Variants in ACSBG2 observed in about 807,000 individuals in gnomAD.
ACSBG2 encodes acyl-CoA synthetase bubblegum family member 2, also known as long-chain-fatty-acid--CoA ligase ACSBG2.
A neutral mutation model predicts 74.7 loss-of-function variants in ACSBG2; 62 were observed. The observed-to-expected ratio is 0.83, with a 90% CI of 0.68 to 1.03. ACSBG2 has a LOEUF of 1.03. ACSBG2 is among the 50% of genes least tolerant of loss of function. ACSBG2 has a pLI of 0.00. For synonymous variants in ACSBG2, 309 were observed against 294.1 expected (o/e 1.05, Z -0.52); for missense variants, 730 against 817.6 (o/e 0.89, Z 1.31).
intron 3 of ACSBG2, among the ~76,000 whole-genome samples, 189 bp from the exon 4 acceptor site, chr19:6,151,518 C>T (rs1403346064): frequency 6.6e-6 from 1 of 152,088 alleles, no homozygotes; most frequent in Non-Finnish European, 1.5e-5. Context: ...ACTGTGTTGC[C>T]CAGGCTGGTC....
intron 4 of ACSBG2, among the ~76,000 whole-genome samples, chr19:6,153,924 AAAG>A (rs1359094382): frequency 5.5e-4 from 84 of 151,394 alleles, no homozygotes; most frequent in Admixed American, 1.5e-3. Flanking sequence ...AAAGAAAAGA[AAAG>A]AAGGAAGGAA....
chr19:6,145,279 C>T (rs76506598), intron 2 of ACSBG2, among the ~76,000 whole-genome samples: 3,398 of 151,968 alleles, frequency 0.022, 135 homozygotes, highest in African/African-American at 0.078. Context: ...ACCTGTAATC[C>T]CCGCTACTTG....
In ACSBG2 at chr19:6,180,611, GT is replaced by G. The variant is rs1396516985; in HGVS notation, c.907-2139del. ...TGTTTACAACTTGTCAATCTGAATAGTGACAAAAGTGTCTTAATATTTTCAG... is the reference window on the plus strand; with the variant it reads ...TGTTTACAACTTGTCAATCTGAATAGGACAAAAGTGTCTTAATATTTTCAG... On this transcript the variant is annotated intron_variant, in intron 8 of 14. Transcript: ENST00000588485. This position sits in a 1 kb window ranked among gnomAD's most constrained non-coding sequence, Gnocchi z 4.3. Among the ~76,000 whole-genome samples, 1 of 152,166 alleles carries G rather than the reference GT, an allele frequency of 6.6e-6. No individual in the cohort carries two copies. The highest frequency in any genetic ancestry group is 2.4e-5 in the African/African-American group (1 of 41,434).
rs370575930 is a variant in ACSBG2, at chr19:6,187,734, G to A, written c.1816G>A (p.Ala606Thr). 6.8e-6 allele frequency: 11 copies of A among 1,613,980 alleles called. No homozygotes were observed. In the African/African-American group the frequency reaches 1.2e-4, roughly 18 times the overall value. Residue 606 changes from alanine to threonine, a missense_variant, in exon 13 of 15, where the codon GCC becomes ACC. Transcript: ENST00000588485. ...GCAGCAAGACCCCCTGGTCTACAAG[G>A]CCATCCAGCAAGGCATCAATGCTGT... is the stretch of plus-strand genomic sequence containing the variant. ...VKQQDPLVYK[A>T]IQQGINAVNQ...
At chr19:6,185,232 TAG>T (rs1390058507) in intron 10 of ACSBG2, among the ~76,000 whole-genome samples, 1 of 152,164 alleles carries the variant, frequency 6.6e-6, no homozygotes, top group Non-Finnish European at 1.5e-5. Flanking sequence ...TGGCCACTGC[TAG>T]GTTTCCCAGT....
intron 2 of ACSBG2, among the ~76,000 whole-genome samples, chr19:6,144,670 T>C (rs553055179): frequency 2.0e-5 from 3 of 152,166 alleles, no homozygotes; most frequent in African/African-American, 7.2e-5. Context: ...CATACCAGTG[T>C]CTGTTTTTTT....
At chr19:6,173,335 G>A (rs1398058371) in intron 7 of ACSBG2, among the ~76,000 whole-genome samples, 1 of 152,198 alleles carries the variant, frequency 6.6e-6, no homozygotes, top group Non-Finnish European at 1.5e-5. Context: ...TGCACAACCA[G>A]TGTGGTGCCT....
Position 6,151,708 on chromosome 19 carries a change from T to G in ACSBG2, c.299T>G (p.Leu100Arg). ...CRKAAKSLIK[L>R]GLERFHGVGI... ...TTCTGTTTGCTTTTTCCTTCCCAGC[T>G]GGGTTTGGAGCGTTTCCACGGAGTT... Residue 100 changes from leucine (L) to arginine (R), a missense_variant and splice_region_variant, in exon 4 of 15, where the codon CTG becomes CGG. Physicochemically the swap from Leu to Arg is moderately radical, Grantham distance 102. Coordinates refer to ENST00000588485, the MANE Select transcript of ACSBG2 (RefSeq NM_030924.5). The G allele has an allele frequency of 6.3e-7, 1 of 1,595,436 alleles. No homozygotes were observed. Among genetic ancestry groups the G allele is most frequent in the Non-Finnish European group, 8.5e-7 (1 of 1,170,176 alleles).
At chr19:6,137,487 G>A (rs957141720) in intron 1 of ACSBG2, 7 of 152,408 alleles carry the variant, frequency 4.6e-5, no homozygotes, top group Admixed American at 3.9e-4. Context: ...GGAAGGAGGA[G>A]AGCACAGGGA....
intron 7 of ACSBG2, 119 bp downstream of exon 7, chr19:6,166,134 G>T: frequency 1.6e-6 from 2 of 1,289,284 alleles, no homozygotes; most frequent in South Asian, 1.4e-5. Context: ...CACCATTGGG[G>T]GTTAGAGAGT....
chr19:6,141,644 G>T (rs1332856468), intron 2 of ACSBG2, 34 bp downstream of exon 2: 1 of 1,319,840 alleles, frequency 7.6e-7, no homozygotes, highest in Non-Finnish European at 1.1e-6. Context: ...GGGAGAGAGA[G>T]TGGCACATTG....
intron 4 of ACSBG2, among the ~76,000 whole-genome samples, chr19:6,154,230 T>TA (rs869211364): frequency 6.6e-5 from 10 of 150,494 alleles, no homozygotes; most frequent in African/African-American, 1.2e-4. Context: ...CTATCTCTAC[T>TA]AAAAAAAACC....
chr19:6,176,006 T>A (rs2145199313), intron 7 of ACSBG2: 1 of 212,860 alleles, frequency 4.7e-6, no homozygotes, highest in South Asian at 1.9e-4. Flanking sequence ...ACTTGCTGAA[T>A]CCAGTTTTCT....
At chr19:6,140,745 T>A (rs182675072) in intron 1 of ACSBG2, among the ~76,000 whole-genome samples, 17 of 152,328 alleles carry the variant, frequency 1.1e-4, no homozygotes, top group Admixed American at 2.0e-4. Flanking sequence ...TTTACCACGA[T>A]GAATGAGAGC....
intron 8 of ACSBG2, among the ~76,000 whole-genome samples, chr19:6,178,661 C>T (rs1212097602): frequency 6.6e-6 from 1 of 152,126 alleles, no homozygotes; most frequent in African/African-American, 2.4e-5. Flanking sequence ...AGGCATGAGC[C>T]ACTGCACCCA....
intron 1 of ACSBG2, among the ~76,000 whole-genome samples, chr19:6,136,658 T>G (rs1015360529): frequency 5.9e-5 from 9 of 151,840 alleles, no homozygotes; most frequent in African/African-American, 1.9e-4. Flanking sequence ...TCACCACATC[T>G]GAACCCTACA....
At chr19:6,172,356 T>C (rs1358794645) in intron 7 of ACSBG2, among the ~76,000 whole-genome samples, 2 of 152,212 alleles carry the variant, frequency 1.3e-5, no homozygotes, top group African/African-American at 4.8e-5. Context: ...GATGGGGCTT[T>C]TGTATTTTTT....
chr19:6,163,151 T>TAAA (rs1414843291), intron 6 of ACSBG2, among the ~76,000 whole-genome samples: 1 of 145,042 alleles, frequency 6.9e-6, no homozygotes, highest in Non-Finnish European at 1.5e-5. Context: ...ATAATAATAA[T>TAAA]AATAATAATA....
chr19:6,138,415 T>G (rs1482096464), intron 1 of ACSBG2, among the ~76,000 whole-genome samples: 2 of 147,554 alleles, frequency 1.4e-5, no homozygotes, highest in Admixed American at 6.9e-5. Context: ...GATCCCATTT[T>G]GAAGGCTGAG....
Sources: allele counts gnomAD v4.1 joint callset (sites outside exome capture counted in the v4.1 genomes callset), GRCh38; gene constraint gnomAD v4.1.1; non-coding constraint Gnocchi (gnomAD v3.1); transcripts MANE v1.5; gene names NCBI Gene and HGNC (gene_info 2026-07-23, HGNC 2026-07-21).